The following MICAL2 variants were observed in gnomAD, a reference collection of about 807,000 sequenced individuals.
The protein encoded by MICAL2 is [F-actin]-monooxygenase MICAL2.
A neutral mutation model predicts 127.3 loss-of-function variants in MICAL2; 77 were observed. That is an observed-to-expected ratio of 0.60 (90% CI 0.50 to 0.73). The LOEUF (loss-of-function observed/expected upper bound fraction) is 0.73, where lower values mean the gene tolerates loss of function less well. MICAL2 is among the 30% of genes least tolerant of loss of function. The pLI, the probability that MICAL2 is intolerant of heterozygous loss-of-function variation, is 0.00. For missense variants in MICAL2, 1,351 were observed against 1,434.4 expected, an observed-to-expected ratio of 0.94 and a Z score of 0.94; for synonymous variants, 570 against 551.1, an observed-to-expected ratio of 1.03 and a Z score of -0.48.
rs368159053 is a variant in MICAL2, at chr11:12,225,731, C to G, written c.1689-440C>G. On this transcript the variant is annotated intron_variant, in intron 13 of 27. Coordinates refer to ENST00000683283, the MANE Select transcript of MICAL2 (RefSeq NM_001282663.2). ...TCGAACTGAGCTCAAGTGATCTGCC[C>G]GCCTCTGCCTCCCAAACTGCTGGGA... The G allele has an allele frequency of 6.2e-5, 11 of 178,728 alleles. No individual in the cohort carries two copies. In the East Asian group the frequency reaches 1.0e-3, roughly 17 times the overall value. 11.1% of individuals were successfully genotyped at this position (178,728 alleles called of 1,614,324 possible). A position where few individuals can be genotyped will look rare whatever the true frequency, so the allele number is the denominator to read the frequency against.
intron 34 of MICAL2, among the ~76,000 whole-genome samples, chr11:12,355,609 T>C (rs143684904): frequency 6.6e-6 from 1 of 152,200 alleles, no homozygotes; most frequent in Non-Finnish European, 1.5e-5. Flanking sequence ...CCTTATGAGG[T>C]TGCCCAGTAT....
In MICAL2 at chr11:12,210,297, A is replaced by C. The variant is rs536540231; in HGVS notation, c.691+699A>C. ...CAAGACTGATCCATCCACAGGCTGTACTCATTGATATTAACCATGCTAAAT... is the reference window on the plus strand; with the variant it reads ...CAAGACTGATCCATCCACAGGCTGTCCTCATTGATATTAACCATGCTAAAT... On this transcript the variant is annotated intron_variant, in intron 6 of 27. Transcript: ENST00000683283. 3.3e-5 allele frequency among the ~76,000 whole-genome samples: 5 copies of C among 152,298 alleles called. No individual in the cohort carries two copies. In the South Asian group the frequency reaches 6.2e-4, roughly 19 times the overall value.
rs1850178555 is a variant in MICAL2, at chr11:12,117,962, T to C, written c.-149+7236T>C. On this transcript the variant is annotated intron_variant, in intron 1 of 27. Coordinates refer to ENST00000683283, the MANE Select transcript of MICAL2 (RefSeq NM_001282663.2). ...GGAATGTCCTGTGAGGCTCATGCAG[T>C]TGGAGCCTTGGGGACCATGGGGTCC... Among the ~76,000 whole-genome samples the C allele has an allele frequency of 2.0e-5, 3 of 152,172 alleles. No individual in the cohort carries two copies. The South Asian group carries it at 6.2e-4, about 32-fold the overall frequency.
intron 3 of MICAL2, among the ~76,000 whole-genome samples, chr11:12,200,913 T>A (rs997354776): frequency 6.6e-6 from 1 of 152,064 alleles, no homozygotes; most frequent in African/African-American, 2.4e-5. Context: ...CTTTCCTGCC[T>A]CTCTTCACCC....
At chr11:12,312,339 T>C (rs958829969) in intron 29 of MICAL2, among the ~76,000 whole-genome samples, 194 of 80,558 alleles carry the variant, frequency 2.4e-3, no homozygotes, top group African/African-American at 0.01. Flanking sequence ...ATTTCTCAAC[T>C]TTTTTTTTTT....
chr11:12,236,080 C>T (rs748927499), intron 15 of MICAL2, 97 bp from the exon 16 acceptor site: 18 of 1,007,042 alleles, frequency 1.8e-5, no homozygotes, highest in South Asian at 2.6e-5. Context: ...ACATCCTCAG[C>T]GCCAGCTCAA....
At chr11:12,197,654 A>G (rs1023943527) in intron 3 of MICAL2, 2 of 152,212 alleles carry the variant, frequency 1.3e-5, no homozygotes, top group African/African-American at 4.8e-5. Context: ...ATGAGACCCA[A>G]CCGCTACCCA....
In MICAL2 at chr11:12,223,462, C is replaced by T; in HGVS notation, c.1501C>T (p.Leu501=). 1.9e-6 allele frequency: 3 copies of T among 1,614,126 alleles called. No homozygotes were observed. The highest frequency in any genetic ancestry group is 2.5e-6 in the Non-Finnish European group (3 of 1,180,022). The change falls in exon 12 of 28, where the codon CTG becomes TTG. Residue 501 remains leucine, a synonymous_variant. Coordinates refer to ENST00000683283, the MANE Select transcript of MICAL2 (RefSeq NM_001282663.2). ...KELEHYPLER[L]GSVRRSVNLS... is the part of the protein sequence containing the mutation. ...GCTGGAGCACTACCCTCTCGAGAGA[C>T]TGGGCTCGGTGAGGAGATCTGTCAA...
At chr11:12,255,846 G>A (rs1322593327) in intron 23 of MICAL2, 96 bp downstream of exon 23, 9 of 911,726 alleles carry the variant, frequency 9.9e-6, no homozygotes, top group South Asian at 9.3e-5. Flanking sequence ...TGGCCCTCCC[G>A]AGGCTCCTCT....
chr11:12,156,842 A>G (rs1056211526), intron 2 of MICAL2, among the ~76,000 whole-genome samples: 2 of 152,168 alleles, frequency 1.3e-5, no homozygotes, highest in African/African-American at 4.8e-5. Flanking sequence ...TCTGTGTGCG[A>G]GAGTTAGAGC....
At chr11:12,242,035 G>C (rs772538458) in intron 18 of MICAL2, 179 bp from the exon 19 acceptor site, 33 of 553,190 alleles carry the variant, frequency 6.0e-5, no homozygotes, top group Non-Finnish European at 9.8e-5. Context: ...TGTGAATGAG[G>C]AGGCCAGACA....
At position 12,227,089 on chromosome 11, in the gene MICAL2, T is replaced by C. The variant is rs758250016; in HGVS notation, c.1953T>C (p.Asn651=). 1.2e-6 allele frequency: 2 copies of C among 1,614,012 alleles called. No individual in the cohort carries two copies. Among genetic ancestry groups the C allele is most frequent in the East Asian group, 2.2e-5 (1 of 44,896 alleles). The change falls in exon 15 of 28, where the codon AAT becomes AAC. Residue 651 remains asparagine, a synonymous_variant. Transcript: ENST00000683283. ...DLSLAKSSIS[N]NYLNLTFPRK... ...GCTTGGCCAAATCATCCATTTCTAATAACTATCTCAACCTCACATTTCCAA... is the reference window on the plus strand; with the variant it reads ...GCTTGGCCAAATCATCCATTTCTAACAACTATCTCAACCTCACATTTCCAA...
At chr11:12,263,467 T>G (rs1388657398) in intron 27 of MICAL2, 93 bp from the exon 28 acceptor site, 3 of 152,704 alleles carry the variant, frequency 2.0e-5, no homozygotes, top group African/African-American at 7.2e-5. Context: ...CCCCCGGGCC[T>G]GCCTGCCTGG....
chr11:12,135,094 T>A (rs975103439), intron 1 of MICAL2, among the ~76,000 whole-genome samples: 2 of 152,192 alleles, frequency 1.3e-5, no homozygotes, highest in Non-Finnish European at 2.9e-5. Flanking sequence ...ACACCCCATG[T>A]ACCACTGCTA....
At chr11:12,326,986 G>C (rs1864360249) in intron 31 of MICAL2, among the ~76,000 whole-genome samples, 2 of 152,198 alleles carry the variant, frequency 1.3e-5, no homozygotes, top group African/African-American at 2.4e-5. Context: ...GCTTTATGTT[G>C]CATGCTAAGG....
intron 30 of MICAL2, among the ~76,000 whole-genome samples, chr11:12,323,549 A>G (rs542177548): frequency 1.0e-3 from 155 of 152,138 alleles, no homozygotes; most frequent in African/African-American, 3.7e-3. Context: ...TAATTCTTAT[A>G]CCATTCCTTC....
intron 29 of MICAL2, among the ~76,000 whole-genome samples, chr11:12,316,842 G>C (rs551739002): frequency 6.6e-6 from 1 of 152,150 alleles, no homozygotes; most frequent in African/African-American, 2.4e-5. Flanking sequence ...TCCTTTGAAG[G>C]CTTGCTTTTA....
chr11:12,209,606 C>A lies in MICAL2; in HGVS notation c.691+8C>A. On this transcript the variant is annotated splice_region_variant and intron_variant, in intron 6 of 27. Transcript: ENST00000683283. ...GCAGGAACACCCTGGAAGGTGAAGA[C>A]TCTTCTTCTTGGTGTGGGAATGGGG... 8 of 1,608,274 alleles carry A rather than the reference C, an allele frequency of 5.0e-6. No individual in the cohort carries two copies. The highest frequency in any genetic ancestry group is 6.8e-6 in the Non-Finnish European group (8 of 1,174,678).
intron 3 of MICAL2, among the ~76,000 whole-genome samples, chr11:12,193,880 G>A (rs1205754198): frequency 6.6e-6 from 1 of 152,224 alleles, no homozygotes. Context: ...ACTGGTGCTG[G>A]ATATGGAGTC....
Sources: allele counts gnomAD v4.1 joint callset (sites outside exome capture counted in the v4.1 genomes callset), GRCh38; gene constraint gnomAD v4.1.1; transcripts MANE v1.5; gene names NCBI Gene and HGNC (gene_info 2026-07-23, HGNC 2026-07-21).